Variants in UNC13C observed in about 807,000 individuals in gnomAD.
UNC13C encodes the protein protein unc-13 homolog C.
UNC13C carries 174 observed loss-of-function variants against 245.4 expected under a neutral mutation model. The ratio of observed to expected loss-of-function variants is 0.71; its 90% CI spans 0.63 to 0.80. UNC13C has a LOEUF of 0.80. Among genes scored for constraint, UNC13C ranks in the 30% least tolerant of loss-of-function variants. The pLI, the probability that UNC13C is intolerant of heterozygous loss-of-function variation, is 0.00. For missense variants in UNC13C, 2,829 were observed against 2,602.9 expected, an observed-to-expected ratio of 1.09 and a Z score of -1.89; for synonymous variants, 992 against 895.1, an observed-to-expected ratio of 1.11 and a Z score of -1.93.
chr15:54,410,194 A>G (rs1299803765), intron 18 of UNC13C, among the ~76,000 whole-genome samples: 3 of 152,114 alleles, frequency 2.0e-5, no homozygotes, highest in African/African-American at 4.8e-5. Context: ...GTCTCTGTTC[A>G]TGTTCTTTGT....
intron 2 of UNC13C, among the ~76,000 whole-genome samples, chr15:54,061,285 C>G (rs55934832): frequency 0.16 from 24,450 of 152,032 alleles, 2,056 homozygotes; most frequent in Admixed American, 0.2. Flanking sequence ...AGTCCAGTGT[C>G]TGATTCTTGG....
At chr15:54,444,321 TATA>T (rs1322658219) in intron 19 of UNC13C, among the ~76,000 whole-genome samples, 4 of 151,048 alleles carry the variant, frequency 2.6e-5, no homozygotes, top group African/African-American at 7.3e-5. Context: ...TATACATATA[TATA>T]ATATGTCATA....
chr15:54,454,881 T>C (rs1311418935), intron 19 of UNC13C, among the ~76,000 whole-genome samples: 1 of 151,946 alleles, frequency 6.6e-6, no homozygotes, highest in Non-Finnish European at 1.5e-5. Context: ...GATAAGTTCT[T>C]TAGTGGTGAT....
intron 2 of UNC13C, among the ~76,000 whole-genome samples, chr15:54,080,386 G>C (rs763109731): frequency 2.0e-5 from 3 of 151,852 alleles, no homozygotes; most frequent in African/African-American, 7.3e-5. Context: ...AAACATTTCC[G>C]AAAGATTGGT....
At chr15:54,118,565 C>A (rs1329902043) in intron 2 of UNC13C, among the ~76,000 whole-genome samples, 1 of 152,018 alleles carries the variant, frequency 6.6e-6, no homozygotes, top group East Asian at 1.9e-4. Context: ...CTAGGTTTTT[C>A]TAATATAATA....
chr15:53,903,550 T>G, the UNC13C span, among the ~76,000 whole-genome samples: 1 of 152,336 alleles, frequency 6.6e-6, no homozygotes, highest in South Asian at 2.1e-4. Context: ...TAGATCATTT[T>G]GTCCTTTTTC....
intron 4 of UNC13C, among the ~76,000 whole-genome samples, chr15:54,193,167 G>A (rs73409919): frequency 6.6e-5 from 10 of 152,178 alleles, no homozygotes; most frequent in African/African-American, 2.4e-4. Context: ...TTACTATGTT[G>A]TAAATGAGAA....
At chr15:54,168,485 A>G (rs2033267469) in intron 4 of UNC13C, among the ~76,000 whole-genome samples, 2 of 152,184 alleles carry the variant, frequency 1.3e-5, no homozygotes, top group African/African-American at 4.8e-5. Flanking sequence ...GTTCTTTCTA[A>G]TACAGATGCT....
chr15:53,873,772 CA>C, the UNC13C span, among the ~76,000 whole-genome samples: 2 of 776 alleles, frequency 2.6e-3, no homozygotes, highest in Non-Finnish European at 0.037. Flanking sequence ...CTTGAACCCC[CA>C]CGATCAAATG....
chr15:54,592,578 G>A (rs1490545872), intron 30 of UNC13C, among the ~76,000 whole-genome samples: 1 of 152,138 alleles, frequency 6.6e-6, no homozygotes, highest in African/African-American at 2.4e-5. Context: ...AACCGCTGTT[G>A]CTTTAAAGTT....
intron 30 of UNC13C, among the ~76,000 whole-genome samples, chr15:54,568,993 G>A (rs144823993): frequency 1.3e-5 from 2 of 152,004 alleles, no homozygotes; most frequent in South Asian, 2.1e-4. Context: ...GGGAAAAGTC[G>A]AGCTCATGAG....
intron 30 of UNC13C, among the ~76,000 whole-genome samples, chr15:54,615,932 C>A (rs937334033): frequency 2.0e-5 from 3 of 152,026 alleles, no homozygotes; most frequent in African/African-American, 7.2e-5. Context: ...AATACTAAGC[C>A]TCAACTTCTT....
chr15:53,966,983 T>C, the UNC13C span, among the ~76,000 whole-genome samples: 1 of 152,132 alleles, frequency 6.6e-6, no homozygotes, highest in Non-Finnish European at 1.5e-5. Flanking sequence ...ATACCAGTTG[T>C]GTTTATATCC....
intron 30 of UNC13C, among the ~76,000 whole-genome samples, chr15:54,592,918 C>G (rs987613624): frequency 1.4e-5 from 2 of 142,724 alleles, no homozygotes; most frequent in African/African-American, 5.2e-5. Context: ...GTAATTTATG[C>G]TTTAAAGAGA....
chr15:54,507,189 A>C lies in UNC13C; in HGVS notation c.5374A>C (p.Asn1792His). The C allele has an allele frequency of 3.2e-6, 5 of 1,584,088 alleles. No homozygotes were observed. The highest frequency in any genetic ancestry group is 4.3e-6 in the Non-Finnish European group (5 of 1,162,472). ...TTTCAGTTCACATTGTGATAAGGAA[A>C]ATGTGGTAAGTAAAAAATGTCTCTA... ...SDFSSHCDKENVPCILMNNIQ... is the reference protein window; with the variant it reads ...SDFSSHCDKEHVPCILMNNIQ... Residue 1792 changes from asparagine (N) to histidine (H), a missense_variant, in exon 23 of 33, where the codon AAT (asparagine) becomes CAT (histidine). By Grantham distance (68) the Asn-to-His change is moderately conservative. Transcript: ENST00000260323.
intron 2 of UNC13C, among the ~76,000 whole-genome samples, chr15:54,055,380 T>C (rs974303418): frequency 6.6e-6 from 1 of 152,182 alleles, no homozygotes; most frequent in African/African-American, 2.4e-5. Flanking sequence ...ATAATTCAAG[T>C]ATACTGTGGT....
Position 54,110,301 on chromosome 15 carries a change from A to T in UNC13C, c.2984-32717A>T, listed in dbSNP as rs141800345. On this transcript the variant is annotated intron_variant, in intron 2 of 32. Transcript: ENST00000260323. ...GCCTCAAAAAAAAAAAAAAGTATAA[A>T]TATTAATAGATACTTCTTAACCTAA... Among the ~76,000 whole-genome samples, 6 of 152,008 alleles carry T rather than the reference A, an allele frequency of 3.9e-5. No individual in the cohort carries two copies. The East Asian group carries it at 9.7e-4, about 25-fold the overall frequency.
In UNC13C at chr15:54,618,246, T is replaced by A. The variant is rs547275753; in HGVS notation, c.6107-4081T>A. The stretch of plus-strand genomic sequence containing the variant: ...AGTTCAAATAAAGCAGACAATGAGC[T>A]CTTTGAGCTTCCTGCCCTCTGTCAG... On this transcript the variant is annotated intron_variant, in intron 30 of 32. Coordinates refer to ENST00000260323, the MANE Select transcript of UNC13C (RefSeq NM_001080534.3). Among the ~76,000 whole-genome samples the A allele has an allele frequency of 7.2e-5, 11 of 152,230 alleles. No individual in the cohort carries two copies. The East Asian group carries it at 2.1e-3, about 29-fold the overall frequency.
the UNC13C span, among the ~76,000 whole-genome samples, chr15:53,947,359 T>G: frequency 6.6e-6 from 1 of 152,216 alleles, no homozygotes; most frequent in Non-Finnish European, 1.5e-5. Context: ...TTAATATTTG[T>G]AAAATGGATG....
Sources: gnomAD v4.1 joint callset for allele counts (sites outside exome capture counted in the v4.1 genomes callset) on GRCh38, gnomAD v4.1.1 for gene constraint, MANE v1.5 for transcripts, NCBI Gene and HGNC (gene_info 2026-07-23, HGNC 2026-07-21) for gene names.